The following RIN2 variants were observed in gnomAD, a reference collection of about 807,000 sequenced individuals.
The protein encoded by RIN2 is Ras and Rab interactor 2.
A neutral mutation model predicts 78.0 loss-of-function variants in RIN2; 36 were observed. That is an observed-to-expected ratio of 0.46 (90% CI 0.35 to 0.61). The LOEUF (loss-of-function observed/expected upper bound fraction) is 0.61, where lower values mean the gene tolerates loss of function less well. Ranked by LOEUF, RIN2 falls within the 20% of genes least tolerant of loss-of-function variation. RIN2 has a pLI of 0.00. For synonymous variants in RIN2, 466 were observed against 466.8 expected, an observed-to-expected ratio of 1.00 and a Z score of 0.02; for missense variants, 1,087 against 1,159.7, an observed-to-expected ratio of 0.94 and a Z score of 0.91.
intron 7 of RIN2, among the ~76,000 whole-genome samples, chr20:19,965,824 C>A (rs2146281256): frequency 6.6e-6 from 1 of 152,242 alleles, no homozygotes; most frequent in Non-Finnish European, 1.5e-5. Context: ...GTTGACCAGG[C>A]TGGTCTTGAA....
At chr20:19,859,618 G>T (rs978052971) in intron 2 of RIN2, among the ~76,000 whole-genome samples, 1 of 152,120 alleles carries the variant, frequency 6.6e-6, no homozygotes, top group Non-Finnish European at 1.5e-5. Context: ...TCTATTCCAT[G>T]ACAGTAGCTA....
chr20:19,813,476 G>A (rs529682138), intron 2 of RIN2, among the ~76,000 whole-genome samples: 1 of 152,356 alleles, frequency 6.6e-6, no homozygotes, highest in African/African-American at 2.4e-5. Flanking sequence ...GTGAACAAAA[G>A]AGGCAGAGTA....
chr20:19,808,001 G>A (rs1009272730), intron 2 of RIN2, among the ~76,000 whole-genome samples: 37 of 152,094 alleles, frequency 2.4e-4, no homozygotes, highest in African/African-American at 8.5e-4. Flanking sequence ...TTGTGTTCTT[G>A]GCCATCTAAA....
chr20:19,846,076 C>T (rs987133208), intron 2 of RIN2, among the ~76,000 whole-genome samples: 1 of 152,116 alleles, frequency 6.6e-6, no homozygotes, highest in African/African-American at 2.4e-5. Flanking sequence ...TGTTCTGTTC[C>T]ATTGGTCTAT....
intron 1 of RIN2, among the ~76,000 whole-genome samples, chr20:19,782,286 C>T (rs2034534713): frequency 6.6e-6 from 1 of 152,152 alleles, no homozygotes; most frequent in Admixed American, 6.5e-5. Context: ...AAATGTTAGC[C>T]AGCCGTGGTG....
At chr20:19,978,849 T>C (rs1408257543) in intron 9 of RIN2, among the ~76,000 whole-genome samples, 1 of 152,220 alleles carries the variant, frequency 6.6e-6, no homozygotes, top group Non-Finnish European at 1.5e-5. Flanking sequence ...AATGCTTTAA[T>C]AAGAAGTGTG....
At chr20:19,931,935 C>G (rs2040458143) in intron 3 of RIN2, among the ~76,000 whole-genome samples, 1 of 152,198 alleles carries the variant, frequency 6.6e-6, no homozygotes, top group Non-Finnish European at 1.5e-5. Context: ...CAAGTTTAGT[C>G]TCTAAAGTAC....
chr20:19,938,926 G>T (rs888369560), intron 4 of RIN2, among the ~76,000 whole-genome samples: 1 of 152,086 alleles, frequency 6.6e-6, no homozygotes, highest in Non-Finnish European at 1.5e-5. Context: ...TTCCTTCCTG[G>T]GTCTTCCCCG....
intron 3 of RIN2, among the ~76,000 whole-genome samples, chr20:19,889,869 G>A (rs953095172): frequency 4.6e-5 from 7 of 152,150 alleles, no homozygotes; most frequent in African/African-American, 7.2e-5. Flanking sequence ...CACAGGACTC[G>A]GGCACGGAGA....
At chr20:19,861,361 T>C (rs2037327368) in intron 2 of RIN2, among the ~76,000 whole-genome samples, 1 of 152,206 alleles carries the variant, frequency 6.6e-6, no homozygotes, top group Non-Finnish European at 1.5e-5. Context: ...CCCTTCCCCT[T>C]GACAAAGATT....
At chr20:19,828,923 G>A (rs552729735) in intron 2 of RIN2, among the ~76,000 whole-genome samples, 1 of 152,110 alleles carries the variant, frequency 6.6e-6, no homozygotes, top group Non-Finnish European at 1.5e-5. Context: ...TGCTAGGCTT[G>A]GTTTGGCTCA....
chr20:19,939,663 TCCTTGCCAATGTGGC>T (rs879825788), intron 4 of RIN2, among the ~76,000 whole-genome samples: 4 of 152,124 alleles, frequency 2.6e-5, no homozygotes, highest in Non-Finnish European at 5.9e-5. Flanking sequence ...CCCACTGACT[TCCTTGCCAATGTGGC>T]CCCTGCCTCC....
rs2042978715 is a variant in RIN2, at chr20:19,996,710, A to C, written c.2232A>C (p.Ala744=). The C allele has an allele frequency of 6.2e-7, 1 of 1,613,916 alleles. No individual in the cohort carries two copies. Among genetic ancestry groups the C allele is most frequent in the Non-Finnish European group, 8.5e-7 (1 of 1,179,906 alleles). The part of the protein sequence containing the change: ...GGYYLTSAYG[A]LSLIKNFQEE... ...ATTACTTGACAAGCGCATATGGAGC[A>C]CTTTCTCTGATAAAGAATTTCCAAG... is the stretch of plus-strand genomic sequence containing the variant. The change falls in exon 12 of 13, where the codon GCA becomes GCC. Residue 744 remains alanine (A), a synonymous_variant. Coordinates refer to ENST00000255006, the MANE Select transcript of RIN2 (RefSeq NM_018993.4).
At chr20:19,985,802 C>T (rs770609557) in intron 9 of RIN2, among the ~76,000 whole-genome samples, 7 of 152,260 alleles carry the variant, frequency 4.6e-5, no homozygotes, top group Admixed American at 6.5e-5. Context: ...GTTTTGCACG[C>T]GTGCTTGTGG....
chr20:19,817,484 G>A (rs999725114), intron 2 of RIN2, among the ~76,000 whole-genome samples: 4 of 151,810 alleles, frequency 2.6e-5, no homozygotes, highest in Admixed American at 2.6e-4. Context: ...ATTGCAATGG[G>A]GATTCGGTTT....
At chr20:19,880,922 T>C (rs1436690607) in intron 2 of RIN2, among the ~76,000 whole-genome samples, 3 of 152,212 alleles carry the variant, frequency 2.0e-5, no homozygotes, top group Admixed American at 2.0e-4. Flanking sequence ...ACCGAACATA[T>C]GGCTTCCTTT....
intron 1 of RIN2, among the ~76,000 whole-genome samples, chr20:19,760,827 G>A (rs1432741398): frequency 6.6e-6 from 1 of 152,038 alleles, no homozygotes; most frequent in South Asian, 2.1e-4. Flanking sequence ...AGATTTCCCC[G>A]ACCCTGTCCT....
chr20:19,969,627 C>T (rs1156452630), intron 7 of RIN2, among the ~76,000 whole-genome samples: 3 of 152,208 alleles, frequency 2.0e-5, no homozygotes, highest in Non-Finnish European at 4.4e-5. Context: ...TGACATGGAG[C>T]TCCATGCAGG....
At chr20:19,842,085 A>G (rs538148009) in intron 2 of RIN2, among the ~76,000 whole-genome samples, 1 of 152,336 alleles carries the variant, frequency 6.6e-6, no homozygotes, top group South Asian at 2.1e-4. Context: ...GTTGAAGCCA[A>G]TATTCATTTA....
Sources: allele counts gnomAD v4.1 joint callset (sites outside exome capture counted in the v4.1 genomes callset), GRCh38; gene constraint gnomAD v4.1.1; transcripts MANE v1.5; gene names NCBI Gene and HGNC (gene_info 2026-07-23, HGNC 2026-07-21).